CNTNAP2: variants seen among roughly 807,000 people sequenced by gnomAD.
CNTNAP2 encodes contactin associated protein 2.
Under a neutral mutation model 155.2 loss-of-function variants are expected in CNTNAP2, and 98 were observed. The ratio of observed to expected loss-of-function variants is 0.63; its 90% CI spans 0.54 to 0.75. CNTNAP2 has a LOEUF of 0.75. Ranked by LOEUF, CNTNAP2 falls within the 30% of genes least tolerant of loss-of-function variation. CNTNAP2 has a pLI of 0.00. For missense variants in CNTNAP2, 1,727 were observed against 1,688.1 expected, an observed-to-expected ratio of 1.02 and a Z score of -0.40; for synonymous variants, 651 against 631.2, an observed-to-expected ratio of 1.03 and a Z score of -0.47.
intron 8 of CNTNAP2, among the ~76,000 whole-genome samples, chr7:147,173,805 C>G (rs1216806278): frequency 1.3e-5 from 2 of 152,124 alleles, no homozygotes; most frequent in East Asian, 1.9e-4. Flanking sequence ...TCCCGGGAAG[C>G]AAGGGGACTC....
At chr7:147,338,771 A>C (rs1057190344) in intron 9 of CNTNAP2, among the ~76,000 whole-genome samples, 3 of 152,130 alleles carry the variant, frequency 2.0e-5, no homozygotes, top group African/African-American at 7.2e-5. Context: ...AAAACTAAAT[A>C]TTCTGCCAAC....
chr7:146,360,079 C>T (rs1795060736), intron 1 of CNTNAP2, among the ~76,000 whole-genome samples: 1 of 152,144 alleles, frequency 6.6e-6, no homozygotes, highest in Admixed American at 6.5e-5. Context: ...GCTTTAGGTC[C>T]ACTGTTTCTC....
chr7:147,111,298 T>G (rs1297238784), intron 5 of CNTNAP2, among the ~76,000 whole-genome samples: 1 of 152,230 alleles, frequency 6.6e-6, no homozygotes, highest in Non-Finnish European at 1.5e-5. Context: ...TTGCAAAATT[T>G]GTTTCTCATT....
At chr7:146,446,018 G>T (rs1796396999) in intron 1 of CNTNAP2, among the ~76,000 whole-genome samples, 1 of 151,990 alleles carries the variant, frequency 6.6e-6, no homozygotes, top group South Asian at 2.1e-4. Context: ...GGTACATTTT[G>T]AAAAAGAAGA....
intron 17 of CNTNAP2, among the ~76,000 whole-genome samples, chr7:148,162,244 C>CACTTA (rs1261338213): frequency 1.3e-5 from 2 of 152,174 alleles, no homozygotes; most frequent in Non-Finnish European, 2.9e-5. Flanking sequence ...ACCAGCAGGA[C>CACTTA]ACTTAATATG....
Position 147,939,812 on chromosome 7 carries a change from A to C in CNTNAP2, c.2255+36091A>C, listed in dbSNP as rs540732949. 9.1e-4 allele frequency among the ~76,000 whole-genome samples: 137 copies of C among 150,918 alleles called. 3 individuals carry two copies. In the South Asian group the frequency reaches 0.011, roughly 12 times the overall value. ...CTCTCTCTCTCTCTCTCACACACACACCCCCCAGCAGATTTGTAAAGAAAG... is the reference window on the plus strand; with the variant it reads ...CTCTCTCTCTCTCTCTCACACACACCCCCCCCAGCAGATTTGTAAAGAAAG... On this transcript the variant is annotated intron_variant, in intron 14 of 23. Coordinates refer to ENST00000361727, the MANE Select transcript of CNTNAP2 (RefSeq NM_014141.6).
intron 12 of CNTNAP2, among the ~76,000 whole-genome samples, chr7:147,617,586 A>G (rs1429218807): frequency 1.3e-5 from 2 of 152,178 alleles, no homozygotes; most frequent in Non-Finnish European, 2.9e-5. Flanking sequence ...GCTGTGAGAA[A>G]GACAATAAAA....
chr7:147,259,501 TTAAA>T (rs1285085386), intron 8 of CNTNAP2, among the ~76,000 whole-genome samples: 5 of 152,174 alleles, frequency 3.3e-5, no homozygotes, highest in Non-Finnish European at 7.4e-5. Flanking sequence ...AAGAAAAATA[TTAAA>T]TAAACAATAT....
At chr7:147,930,249 A>G (rs1034451858) in intron 14 of CNTNAP2, among the ~76,000 whole-genome samples, 1 of 152,086 alleles carries the variant, frequency 6.6e-6, no homozygotes, top group Non-Finnish European at 1.5e-5. Flanking sequence ...ATGAAAATAG[A>G]CTAGACTCCC....
chr7:147,784,497 ATAT>A (rs1797706512), intron 13 of CNTNAP2, among the ~76,000 whole-genome samples: 2 of 2,580 alleles, frequency 7.8e-4, no homozygotes, highest in Admixed American at 4.2e-3. Context: ...CTGGACTAAT[ATAT>A]ATATATATAT....
chr7:146,861,163 C>T (rs1345723913), intron 3 of CNTNAP2, among the ~76,000 whole-genome samples: 3 of 152,022 alleles, frequency 2.0e-5, no homozygotes, highest in African/African-American at 7.2e-5. Context: ...CGGGTTCAAG[C>T]GATTCTCCTG....
chr7:148,199,443 A>G (rs1195153692), intron 18 of CNTNAP2, among the ~76,000 whole-genome samples: 1 of 152,188 alleles, frequency 6.6e-6, no homozygotes, highest in East Asian at 1.9e-4. Context: ...CAGAAACTCA[A>G]ATTTAGTGGT....
intron 21 of CNTNAP2, among the ~76,000 whole-genome samples, chr7:148,274,263 C>T (rs1260447891): frequency 1.3e-5 from 2 of 151,238 alleles, no homozygotes; most frequent in Non-Finnish European, 2.9e-5. Context: ...AAACTCCTTG[C>T]TTTGTTAAGC....
chr7:146,490,850 A>G (rs1584949091), intron 1 of CNTNAP2, among the ~76,000 whole-genome samples: 2 of 152,230 alleles, frequency 1.3e-5, no homozygotes, highest in African/African-American at 2.4e-5. Context: ...TTCTATATCT[A>G]TCATGGGAAT....
At chr7:146,439,198 G>T (rs1331467666) in intron 1 of CNTNAP2, among the ~76,000 whole-genome samples, 2 of 151,270 alleles carry the variant, frequency 1.3e-5, no homozygotes, top group Admixed American at 6.6e-5. Flanking sequence ...TATATTTCCA[G>T]TGTTTAAGAT....
At chr7:148,020,766 A>T (rs1802266060) in intron 15 of CNTNAP2, among the ~76,000 whole-genome samples, 1 of 152,240 alleles carries the variant, frequency 6.6e-6, no homozygotes, top group Non-Finnish European at 1.5e-5. Flanking sequence ...ACCTTTAATT[A>T]TCTTCCTTCC....
Position 147,037,164 on chromosome 7 carries a change from G to A in CNTNAP2, c.403-6743G>A, listed in dbSNP as rs567943665. Among the ~76,000 whole-genome samples, 6 of 151,950 alleles carry A rather than the reference G, an allele frequency of 3.9e-5. No homozygotes were observed. The East Asian group carries it at 1.2e-3, about 29-fold the overall frequency. ...AAAAATTTGTAGAAATAAAAAATAA[G>A]GAGAGAAGTAAAATATGAACACTAT... On this transcript the variant is annotated intron_variant, in intron 3 of 23. Transcript: ENST00000361727.
At chr7:146,767,807 C>T (rs771883856) in intron 1 of CNTNAP2, among the ~76,000 whole-genome samples, 3 of 152,006 alleles carry the variant, frequency 2.0e-5, no homozygotes, top group Non-Finnish European at 4.4e-5. Flanking sequence ...TGGGTCAAAA[C>T]AGGAAAAGGA....
chr7:147,087,600 A>G (rs2129271545), intron 4 of CNTNAP2, among the ~76,000 whole-genome samples: 1 of 152,334 alleles, frequency 6.6e-6, no homozygotes, highest in South Asian at 2.1e-4. Flanking sequence ...CAGAAACAGC[A>G]TTTTATTTTC....
Sources: gnomAD v4.1 joint callset for allele counts (sites outside exome capture counted in the v4.1 genomes callset) on GRCh38, gnomAD v4.1.1 for gene constraint, MANE v1.5 for transcripts, NCBI Gene and HGNC (gene_info 2026-07-23, HGNC 2026-07-21) for gene names.